The following TIPIN variants were observed in gnomAD, a reference collection of about 807,000 sequenced individuals.
The protein encoded by TIPIN is TIMELESS-interacting protein.
TIPIN carries 29 observed loss-of-function variants against 35.6 expected under a neutral mutation model. That is an observed-to-expected ratio of 0.82 (90% CI 0.61 to 1.11). The LOEUF is 1.11. Among genes scored for constraint, TIPIN ranks in the 50% most tolerant of loss-of-function variants. The pLI is 0.00. For missense variants in TIPIN, 296 were observed against 345.4 expected (o/e 0.86, Z 1.13); for synonymous variants, 102 against 121.5 (o/e 0.84, Z 1.06).
chr15:66,352,145 T>C lies in TIPIN; in HGVS notation c.196A>G (p.Lys66Glu), dbSNP rs752232000. The part of the protein sequence containing the change: ...PKRTVKRNIP[K>E]LDAQRLISER... Reference sequence around the variant, plus strand: ...TAAATGTACCTCTGAGCATCCAGCTTGGGTATATTTCTTTTAACTGTTCTC... The same window carrying C: ...TAAATGTACCTCTGAGCATCCAGCTCGGGTATATTTCTTTTAACTGTTCTC... Residue 66 changes from lysine (K) to glutamate (E), a missense_variant, in exon 3 of 8, where the codon AAG (lysine) becomes GAG (glutamate). Transcript: ENST00000261881. 6.2e-7 allele frequency: 1 copy of C among 1,607,674 alleles called. No individual in the cohort carries two copies. The highest frequency in any genetic ancestry group is 8.5e-7 in the Non-Finnish European group (1 of 1,177,026).
At chr15:66,359,328 A>C (rs2140476481), upstream of TIPIN, among the ~76,000 whole-genome samples, 1 of 152,188 alleles carries the variant, frequency 6.6e-6, no homozygotes, top group South Asian at 2.1e-4. Flanking sequence ...TTAAGCAATT[A>C]ATAAAATTAA....
chr15:66,337,557 G>A (rs2093053546), intron 7 of TIPIN, among the ~76,000 whole-genome samples: 1 of 151,860 alleles, frequency 6.6e-6, no homozygotes, highest in Admixed American at 6.6e-5. Flanking sequence ...CCTGACCTCA[G>A]GTGATCCACC....
intron 1 of TIPIN, among the ~76,000 whole-genome samples, chr15:66,383,923 C>T (rs1360857781): frequency 2.0e-5 from 3 of 152,150 alleles, no homozygotes; most frequent in Admixed American, 2.0e-4. Flanking sequence ...AACCATTTTA[C>T]TATCTATATA....
upstream of TIPIN, among the ~76,000 whole-genome samples, chr15:66,357,679 C>A (rs907160446): frequency 1.3e-5 from 2 of 150,284 alleles, no homozygotes; most frequent in African/African-American, 4.9e-5. Context: ...TACTTGGGGC[C>A]GGGTGCAGTG....
At chr15:66,351,892 G>C (rs1165371521) in intron 3 of TIPIN, among the ~76,000 whole-genome samples, 1 of 151,730 alleles carries the variant, frequency 6.6e-6, no homozygotes, top group African/African-American at 2.4e-5. Context: ...GCCCACGTAG[G>C]CCTCCCAAAG....
chr15:66,344,465 C>G (rs1364453904), intron 6 of TIPIN, among the ~76,000 whole-genome samples: 3 of 151,566 alleles, frequency 2.0e-5, no homozygotes, highest in African/African-American at 4.8e-5. Context: ...TTTTATGAAC[C>G]AAGAAAACAA....
At chr15:66,355,612 G>C (rs1566978687) in intron 1 of TIPIN, among the ~76,000 whole-genome samples, 1 of 151,928 alleles carries the variant, frequency 6.6e-6, no homozygotes, top group East Asian at 2.0e-4. Context: ...TTAGCGGGGC[G>C]TGGTGGCACA....
intron 6 of TIPIN, among the ~76,000 whole-genome samples, chr15:66,342,045 A>G (rs2093090929): frequency 6.6e-6 from 1 of 152,044 alleles, no homozygotes; most frequent in African/African-American, 2.4e-5. Context: ...TTAGCTGGGC[A>G]TGGTGGCGCA....
At chr15:66,351,715 G>T in intron 3 of TIPIN, 115 bp from the exon 4 acceptor site, 1 of 803,280 alleles carries the variant, frequency 1.2e-6, no homozygotes, top group Non-Finnish European at 1.9e-6. Context: ...TCGGGTCACT[G>T]CAAGCTCGGC....
At chr15:66,356,731 C>A (rs577157364), upstream of TIPIN, 7 of 985,412 alleles carry the variant, frequency 7.1e-6, no homozygotes, top group African/African-American at 1.0e-4. Context: ...GCGAGAAGGG[C>A]CCGCAGCGTT....
intron 1 of TIPIN, chr15:66,371,080 A>C (rs1484323401): frequency 3.8e-6 from 1 of 259,836 alleles, no homozygotes; most frequent in African/African-American, 2.3e-5. Flanking sequence ...GTGTGGTGGC[A>C]CATGCTGGTA....
In TIPIN at chr15:66,351,532, C is replaced by T. The variant is rs1289358965; in HGVS notation, c.281G>A (p.Gly94Asp). 6.2e-7 allele frequency: 1 copy of T among 1,612,772 alleles called. No individual in the cohort carries two copies. Among genetic ancestry groups the T allele is most frequent in the Admixed American group, 1.7e-5 (1 of 59,854 alleles). ...VFDKAKFKGK[G>D]HEAEDLKMLI... ...ATAAAAATCAGTTCTTACCTCATGA[C>T]CTTTACCTTTGAATTTTGCCTTATC... The change falls in exon 4 of 8, where the codon GGT (glycine) becomes GAT (aspartate). Residue 94 changes from glycine to aspartate, a missense_variant. Physicochemically the swap from Gly to Asp is moderately conservative, Grantham distance 94. Coordinates refer to ENST00000261881, the MANE Select transcript of TIPIN (RefSeq NM_017858.3).
intron 6 of TIPIN, chr15:66,347,238 T>A (rs2093132477): frequency 1.9e-6 from 1 of 518,320 alleles, no homozygotes; most frequent in Non-Finnish European, 3.9e-6. Flanking sequence ...GAAAATCTGA[T>A]AACTATACAG....
chr15:66,357,054 C>A (rs1322512570), upstream of TIPIN, among the ~76,000 whole-genome samples: 1 of 152,024 alleles, frequency 6.6e-6, no homozygotes, highest in Non-Finnish European at 1.5e-5. Context: ...CCCCGACTAA[C>A]ACCACCACAC....
chr15:66,378,434 C>T (rs1254148533), intron 1 of TIPIN, among the ~76,000 whole-genome samples: 4 of 152,090 alleles, frequency 2.6e-5, no homozygotes, highest in Non-Finnish European at 4.4e-5. Context: ...CGCGCCCAGC[C>T]GATTGCTCTT....
upstream of TIPIN, among the ~76,000 whole-genome samples, chr15:66,360,139 G>C (rs2093224751): frequency 6.6e-6 from 1 of 152,078 alleles, no homozygotes; most frequent in Non-Finnish European, 1.5e-5. Context: ...CTGTAGTATC[G>C]CAGGTACTTC....
At position 66,336,589 on chromosome 15, in the gene TIPIN, A is replaced by G. The variant is rs374822516; in HGVS notation, c.*369T>C. ...AAACAAAACAAAACAAAAAACTTCA[A>G]CTAGACTACTCTGGGCACACTGTCC... On this transcript the variant is annotated 3_prime_UTR_variant, in exon 8 of 8. Transcript: ENST00000261881. 3.3e-3 allele frequency: 624 copies of G among 187,636 alleles called. 7 individuals carry two copies. Among genetic ancestry groups the G allele is most frequent in the Non-Finnish European group, 3.4e-3 (299 of 88,812 alleles). 11.6% of individuals were successfully genotyped at this position (187,636 alleles called of 1,614,324 possible).
intron 1 of TIPIN, among the ~76,000 whole-genome samples, chr15:66,379,119 C>T (rs1225980193): frequency 6.6e-6 from 1 of 151,734 alleles, no homozygotes; most frequent in Non-Finnish European, 1.5e-5. Context: ...AAACTCCTGG[C>T]GTTAAGCAAT....
At chr15:66,339,131 C>CAAAAAAAAAAAAAAAAA (rs35065958) in intron 7 of TIPIN, among the ~76,000 whole-genome samples, 3 of 20,594 alleles carry the variant, frequency 1.5e-4, no homozygotes, top group African/African-American at 3.6e-4. Context: ...GACTCCATCT[C>CAAAAAAAAAAAAAAAAA]AAAAAAAAAA....
Sources: allele counts gnomAD v4.1 joint callset (sites outside exome capture counted in the v4.1 genomes callset), GRCh38; gene constraint gnomAD v4.1.1; transcripts MANE v1.5; gene names NCBI Gene and HGNC (gene_info 2026-07-23, HGNC 2026-07-21).